Variants in KIF26B observed in about 807,000 individuals in gnomAD.
KIF26B encodes the protein kinesin-like protein KIF26B.
Under a neutral mutation model 151.2 loss-of-function variants are expected in KIF26B, and 63 were observed. The observed-to-expected ratio is 0.42, with a 90% CI of 0.34 to 0.51. The LOEUF (loss-of-function observed/expected upper bound fraction) is 0.51. Ranked by LOEUF, KIF26B falls within the 20% of genes least tolerant of loss-of-function variation. The pLI, the probability that KIF26B is intolerant of heterozygous loss-of-function variation, is 0.07. For synonymous variants in KIF26B, 1,357 were observed against 1,262.1 expected, an observed-to-expected ratio of 1.08 and a Z score of -1.59; for missense variants, 2,813 against 2,913.6, an observed-to-expected ratio of 0.97 and a Z score of 0.79.
chr1:245,581,249 T>C (rs887998964), intron 5 of KIF26B, among the ~76,000 whole-genome samples: 1 of 152,214 alleles, frequency 6.6e-6, no homozygotes, highest in African/African-American at 2.4e-5. Flanking sequence ...CCTACAACAG[T>C]TGGTATCACC....
chr1:245,686,090 C>G lies in KIF26B; in HGVS notation c.3107C>G (p.Pro1036Arg), dbSNP rs747566553. The G allele has an allele frequency of 1.1e-5, 18 of 1,604,560 alleles. 1 individual carries two copies. Among genetic ancestry groups the G allele is most frequent in the Middle Eastern group, 3.3e-4 (2 of 6,076 alleles). The change falls in exon 12 of 15, where the codon CCA (proline) becomes CGA (arginine). Residue 1036 changes from proline (P) to arginine (R), a missense_variant. Pro to Arg is a moderately radical substitution (Grantham distance 103). Transcript: ENST00000407071. The surrounding 1 kb of genome is among the most constrained non-coding windows in gnomAD (Gnocchi z 5.6). ...AGCAGTAGCCAGCACAGCGCCTCCC[C>G]ACTCGTGCAGAGCCCCAGCCTCCAG... Reference protein sequence around the residue: ...PGSSSQHSASPLVQSPSLQSS... With the variant: ...PGSSSQHSASRLVQSPSLQSS...
intron 2 of KIF26B, among the ~76,000 whole-genome samples, chr1:245,330,268 G>GC (rs1278050499): frequency 6.7e-6 from 1 of 148,852 alleles, no homozygotes; most frequent in Non-Finnish European, 1.5e-5. Flanking sequence ...GGGCTGCAGA[G>GC]CGTGTGGGCT....
rs1258723702 is a variant in KIF26B, at chr1:245,611,880, C to T, written c.2002C>T (p.Gln668Ter). ...DAAIASRRSH[Q>*]QDCDEDDHRN... is the part of the protein sequence containing the mutation. ...CGCCATTGCCTCCCGCAGGAGCCAC[C>T]AACAGGACTGTGATGAGGACGACCA... The change falls in exon 9 of 15, where the codon CAA becomes TAA. Residue 668 changes from glutamine to a stop codon, truncating the protein, a stop_gained. Coordinates refer to ENST00000407071, the MANE Select transcript of KIF26B (RefSeq NM_018012.4). LOFTEE classifies it high-confidence loss of function. The T allele has an allele frequency of 6.2e-7, 1 of 1,613,892 alleles. No homozygotes were observed. Among genetic ancestry groups the T allele is most frequent in the African/African-American group, 1.3e-5 (1 of 75,032 alleles).
At position 245,640,158 on chromosome 1, in the gene KIF26B, T is replaced by C. The variant is rs190515240; in HGVS notation, c.2099-5963T>C. ...CTCTCTCTCTCTATATATATATATA[T>C]ATACCCTGCTATTTGGTTATATATA... On this transcript the variant is annotated intron_variant, in intron 9 of 14. Coordinates refer to ENST00000407071, the MANE Select transcript of KIF26B (RefSeq NM_018012.4). Among the ~76,000 whole-genome samples the C allele has an allele frequency of 1.0e-4, 9 of 90,242 alleles. 1 individual carries two copies. Among genetic ancestry groups the C allele is most frequent in the East Asian group, 9.3e-4 (2 of 2,156 alleles). 59.2% of individuals were successfully genotyped at this position (90,242 alleles called of 152,430 possible).
chr1:245,633,824 T>G (rs1483814271), intron 9 of KIF26B, among the ~76,000 whole-genome samples: 1 of 152,192 alleles, frequency 6.6e-6, no homozygotes, highest in East Asian at 1.9e-4. Flanking sequence ...TATTTTTAAT[T>G]TTTTTTGAGT....
intron 5 of KIF26B, among the ~76,000 whole-genome samples, chr1:245,590,905 C>CAA (rs1397008835): frequency 0.011 from 1,013 of 93,716 alleles, 41 homozygotes; most frequent in African/African-American, 0.04. Flanking sequence ...GATCCTGTCT[C>CAA]AAAAAAAAGA....
chr1:245,652,177 A>G (rs1260122286), intron 10 of KIF26B, among the ~76,000 whole-genome samples: 1 of 151,254 alleles, frequency 6.6e-6, no homozygotes, highest in Non-Finnish European at 1.5e-5. Flanking sequence ...AACCTCCTTT[A>G]AATGTACATT....
At chr1:245,233,374 C>T (rs1480819669) in intron 2 of KIF26B, among the ~76,000 whole-genome samples, 2 of 152,176 alleles carry the variant, frequency 1.3e-5, no homozygotes, top group Non-Finnish European at 2.9e-5. Flanking sequence ...TGCACAATTT[C>T]ATATGTAAAG....
intron 5 of KIF26B, among the ~76,000 whole-genome samples, chr1:245,559,960 G>A (rs1031916474): frequency 6.6e-6 from 1 of 151,624 alleles, no homozygotes; most frequent in East Asian, 1.9e-4. Flanking sequence ...TTACCGACGT[G>A]CCTCCCGTGC....
In KIF26B at chr1:245,219,127, CTTTTTTTTTTTTT is replaced by C. The variant is rs1166578525; in HGVS notation, c.465+62461_465+62473del. 2.6e-3 allele frequency among the ~76,000 whole-genome samples: 146 copies of C among 56,190 alleles called. 2 individuals are homozygous for C. The highest frequency in any genetic ancestry group is 9.1e-3 in the African/African-American group (140 of 15,302). The allele number at this position is 56,190 out of a possible 152,430, so 36.9% of individuals were successfully genotyped here. On this transcript the variant is annotated intron_variant, in intron 2 of 14. Transcript: ENST00000407071. ...CACAGGAGGTAGCAAATACCTACCT[CTTTTTTTTTTTTT>C]TTTTTTTTTTTTTTTTGAGACGGAG...
At chr1:245,215,870 A>C (rs1279656199) in intron 2 of KIF26B, among the ~76,000 whole-genome samples, 10 of 152,166 alleles carry the variant, frequency 6.6e-5, no homozygotes, top group Non-Finnish European at 1.2e-4. Context: ...AGAGTGGTAT[A>C]ATGTTGGCAT....
At chr1:245,202,467 G>C (rs768035268) in intron 2 of KIF26B, among the ~76,000 whole-genome samples, 16 of 152,158 alleles carry the variant, frequency 1.1e-4, no homozygotes, top group Non-Finnish European at 2.2e-4. Context: ...GTTTGAAAAT[G>C]GGTTGAAGTG....
At chr1:245,489,992 T>A (rs1237315030) in intron 4 of KIF26B, among the ~76,000 whole-genome samples, 1 of 152,206 alleles carries the variant, frequency 6.6e-6, no homozygotes, top group Non-Finnish European at 1.5e-5. Flanking sequence ...TGCTCACTAA[T>A]AAATGACTGA....
chr1:245,663,822 G>A (rs374810094), intron 10 of KIF26B, among the ~76,000 whole-genome samples: 3 of 152,102 alleles, frequency 2.0e-5, no homozygotes, highest in East Asian at 3.9e-4. Flanking sequence ...GTCATGTCTT[G>A]AATACCTACA....
At chr1:245,528,278 G>A (rs1008504404) in intron 4 of KIF26B, among the ~76,000 whole-genome samples, 1 of 152,170 alleles carries the variant, frequency 6.6e-6, no homozygotes, top group Non-Finnish European at 1.5e-5. Context: ...GAAGAAGAGC[G>A]AGTAGAATTG....
chr1:245,272,917 G>T (rs1670876154), intron 2 of KIF26B, among the ~76,000 whole-genome samples: 2 of 152,156 alleles, frequency 1.3e-5, no homozygotes. Context: ...AATCTGTTAA[G>T]TCTTGTTTTG....
At position 245,622,277 on chromosome 1, in the gene KIF26B, A is replaced by C. The variant is rs114816071; in HGVS notation, c.2098+10301A>C. 3.3e-3 allele frequency among the ~76,000 whole-genome samples: 508 copies of C among 152,316 alleles called. 2 individuals are homozygous for C. Among genetic ancestry groups the C allele is most frequent in the African/African-American group, 0.011 (461 of 41,568 alleles). On this transcript the variant is annotated intron_variant, in intron 9 of 14. Transcript: ENST00000407071. ...AAAATATAACATCCTTAATGTAAAA[A>C]GTTCTTTGCCATAGACGTGCCAGTA...
intron 2 of KIF26B, among the ~76,000 whole-genome samples, chr1:245,279,445 C>T (rs868020060): frequency 2.0e-5 from 3 of 151,672 alleles, no homozygotes; most frequent in Middle Eastern, 3.4e-3. Flanking sequence ...GTAGCTGGGA[C>T]TACAGACATG....
chr1:245,515,440 C>A (rs941142056), intron 4 of KIF26B, among the ~76,000 whole-genome samples: 20 of 152,078 alleles, frequency 1.3e-4, no homozygotes, highest in African/African-American at 4.6e-4. Context: ...GTTTCCCGAA[C>A]GGATACGTAA....
Sources: gnomAD v4.1 joint callset for allele counts (sites outside exome capture counted in the v4.1 genomes callset) on GRCh38, gnomAD v4.1.1 for gene constraint, Gnocchi (gnomAD v3.1) non-coding constraint, MANE v1.5 for transcripts, NCBI Gene and HGNC (gene_info 2026-07-23, HGNC 2026-07-21) for gene names.